Variants in NCAM1 observed in about 807,000 individuals in gnomAD.
NCAM1 encodes the protein antigen recognized by monoclonal antibody 5.1H11.
In NCAM1, 14 loss-of-function variants were observed where a neutral mutation model predicts 109.8. The ratio of observed to expected loss-of-function variants is 0.13; its 90% confidence interval spans 0.08 to 0.20. The LOEUF (loss-of-function observed/expected upper bound fraction) is 0.20. Among genes scored for constraint, NCAM1 ranks in the 10% least tolerant of loss-of-function variants. The pLI, the probability that NCAM1 is intolerant of heterozygous loss-of-function variation, is 1.00. For missense variants in NCAM1, 774 were observed against 1,109.9 expected (o/e 0.70, Z 4.30); for synonymous variants, 418 against 442.9 (o/e 0.94, Z 0.70).
At chr11:113,009,331 T>G (rs113270698) in intron 1 of NCAM1, among the ~76,000 whole-genome samples, 22,379 of 136,632 alleles carry the variant, frequency 0.16, 2,596 homozygotes, top group African/African-American at 0.22. Context: ...TTTTTTTTTT[T>G]TTTTTTTTTT....
intron 1 of NCAM1, among the ~76,000 whole-genome samples, chr11:113,060,394 G>A (rs190209811): frequency 6.6e-6 from 1 of 152,116 alleles, no homozygotes; most frequent in Non-Finnish European, 1.5e-5. Flanking sequence ...CCTAATTCAG[G>A]ACATAACTTG....
At chr11:113,116,580 C>T (rs1372218624) in intron 1 of NCAM1, among the ~76,000 whole-genome samples, 4 of 152,162 alleles carry the variant, frequency 2.6e-5, no homozygotes, top group African/African-American at 7.2e-5. Context: ...TTAAATTTAT[C>T]GACAGGGAGA....
intron 1 of NCAM1, among the ~76,000 whole-genome samples, chr11:112,984,274 A>G (rs2134717526): frequency 6.6e-6 from 1 of 152,024 alleles, no homozygotes; most frequent in Middle Eastern, 3.4e-3. Flanking sequence ...ATATATATAT[A>G]TGAGTTTTAA....
At chr11:113,199,797 A>G (rs1943982975) in intron 1 of NCAM1, among the ~76,000 whole-genome samples, 1 of 143,758 alleles carries the variant, frequency 7.0e-6, no homozygotes, top group African/African-American at 2.7e-5. Flanking sequence ...AAAAAAAAGA[A>G]TATTTTGCAA....
chr11:113,224,902 G>T (rs1277381230), intron 9 of NCAM1, among the ~76,000 whole-genome samples: 1 of 152,140 alleles, frequency 6.6e-6, no homozygotes. Context: ...CTAACAAACA[G>T]AAAGAACATC....
chr11:113,062,513 C>G (rs868974020), intron 1 of NCAM1, among the ~76,000 whole-genome samples: 131 of 152,032 alleles, frequency 8.6e-4, no homozygotes, highest in African/African-American at 3.1e-3. Flanking sequence ...AGAATCAGGC[C>G]AAAAACCAAG....
intron 12 of NCAM1, 116 bp downstream of exon 12, chr11:113,232,930 C>G (rs1555117583): frequency 3.8e-6 from 4 of 1,055,950 alleles, no homozygotes; most frequent in Non-Finnish European, 5.6e-6. Context: ...GGGCCAGGGT[C>G]AGCAAAGCCA....
intron 1 of NCAM1, among the ~76,000 whole-genome samples, chr11:113,198,379 T>C (rs1002487346): frequency 2.6e-5 from 4 of 151,984 alleles, no homozygotes; most frequent in Non-Finnish European, 5.9e-5. Flanking sequence ...TAGAATTTTT[T>C]TTTTTTTTTT....
chr11:112,967,950 G>A (rs1396685874), intron 1 of NCAM1, among the ~76,000 whole-genome samples: 2 of 152,200 alleles, frequency 1.3e-5, no homozygotes, highest in East Asian at 3.9e-4. Context: ...GCGAAGGTTA[G>A]TTGAATACAT....
At chr11:113,175,573 C>T (rs2136510309) in intron 1 of NCAM1, among the ~76,000 whole-genome samples, 1 of 152,282 alleles carries the variant, frequency 6.6e-6, no homozygotes, top group Admixed American at 6.5e-5. Flanking sequence ...CAAGGCCTAG[C>T]CTAAGCTTCC....
intron 1 of NCAM1, among the ~76,000 whole-genome samples, chr11:112,997,310 A>T (rs1951621722): frequency 6.6e-6 from 1 of 152,224 alleles, no homozygotes; most frequent in Non-Finnish European, 1.5e-5. Context: ...GTGATAATTA[A>T]AATGAAGGAG....
chr11:113,258,787 A>C (rs1945898394), intron 16 of NCAM1, among the ~76,000 whole-genome samples: 1 of 152,348 alleles, frequency 6.6e-6, no homozygotes, highest in East Asian at 1.9e-4. Flanking sequence ...GTATCAATTA[A>C]AACTGTTATT....
intron 1 of NCAM1, among the ~76,000 whole-genome samples, chr11:113,006,000 T>A (rs1189515365): frequency 6.6e-6 from 1 of 152,192 alleles, no homozygotes; most frequent in Non-Finnish European, 1.5e-5. Context: ...CTGTAAGCAG[T>A]CTCAAAGGCA....
chr11:113,142,882 A>T lies in NCAM1; in HGVS notation c.53-59497A>T, dbSNP rs189631176. ...ATTTTCAAACGAATTTTAAAAATCG[A>T]AAAAATAGTACAGTGGATACCTATT... On this transcript the variant is annotated intron_variant, in intron 1 of 19. Coordinates refer to ENST00000316851, the MANE Select transcript of NCAM1 (RefSeq NM_181351.5). Among the ~76,000 whole-genome samples the T allele has an allele frequency of 4.7e-3, 716 of 152,286 alleles. 3 individuals are homozygous for T. Among genetic ancestry groups the T allele is most frequent in the Non-Finnish European group, 7.3e-3 (496 of 68,026 alleles).
intron 1 of NCAM1, among the ~76,000 whole-genome samples, chr11:113,004,983 T>A (rs1383073875): frequency 6.6e-6 from 1 of 152,154 alleles, no homozygotes; most frequent in African/African-American, 2.4e-5. Flanking sequence ...AACTCCAGTA[T>A]TGATTTACTT....
Position 113,233,349 on chromosome 11 carries a change from A to G in NCAM1, c.1693+32A>G. On this transcript the variant is annotated intron_variant, in intron 13 of 19. Transcript: ENST00000316851. This position sits in a 1 kb window ranked among gnomAD's most constrained non-coding sequence, Gnocchi z 4.5. ...TGGGCGAGTTGGTGTTTCCATTGGG[A>G]TCATGAGTGCCTCAGTACTCAGATG... The G allele has an allele frequency of 1.3e-6, 2 of 1,598,330 alleles. No individual in the cohort carries two copies. Among genetic ancestry groups the G allele is most frequent in the East Asian group, 2.2e-5 (1 of 44,614 alleles).
Position 113,074,044 on chromosome 11 carries a change from C to T in NCAM1, c.52+112380C>T, listed in dbSNP as rs371806305. The stretch of plus-strand genomic sequence containing the variant: ...GTAATGAAATTTAGAAGGAGAAACA[C>T]GTCGGTGTGGAAGTAATAATAGTAT... On this transcript the variant is annotated intron_variant, in intron 1 of 19. Transcript: ENST00000316851. Among the ~76,000 whole-genome samples, 19 of 152,240 alleles carry T rather than the reference C, an allele frequency of 1.2e-4. No homozygotes were observed. The East Asian group carries it at 1.4e-3, about 11-fold the overall frequency.
Position 113,214,393 on chromosome 11 carries a change from A to G in NCAM1, c.941A>G (p.Glu314Gly), listed in dbSNP as rs1555114075. ...VFAKPKITYV[E>G]NQTAMELEEQ... ...GCAAAACCCAAAATCACATATGTAG[A>G]GAACCAGACTGCCATGGAATTAGAG... Residue 314 changes from glutamate to glycine, a missense_variant, in exon 8 of 20, where the codon GAG becomes GGG. Glu to Gly is a moderately conservative substitution (Grantham distance 98). Coordinates refer to ENST00000316851, the MANE Select transcript of NCAM1 (RefSeq NM_181351.5). 11 of 1,614,022 alleles carry G rather than the reference A, an allele frequency of 6.8e-6. No individual in the cohort carries two copies. The highest frequency in any genetic ancestry group is 1.3e-5 in the African/African-American group (1 of 75,070).
At chr11:112,977,118 T>TA (rs5794833) in intron 1 of NCAM1, among the ~76,000 whole-genome samples, 1 of 149,476 alleles carries the variant, frequency 6.7e-6, no homozygotes, top group Admixed American at 6.7e-5. Flanking sequence ...GAAACTTTGG[T>TA]AAAAAAAAAA....
Sources: allele counts gnomAD v4.1 joint callset (sites outside exome capture counted in the v4.1 genomes callset), GRCh38; gene constraint gnomAD v4.1.1; non-coding constraint Gnocchi (gnomAD v3.1); transcripts MANE v1.5; gene names NCBI Gene and HGNC (gene_info 2026-07-23, HGNC 2026-07-21).